DISC1: variants seen among roughly 807,000 people sequenced by gnomAD.
The protein encoded by DISC1 is disrupted in schizophrenia 1 protein.
Under a neutral mutation model 84.5 loss-of-function variants are expected in DISC1, and 57 were observed. The observed-to-expected ratio is 0.67, with a 90% CI of 0.55 to 0.84. DISC1 has a LOEUF of 0.84. DISC1 is among the 40% of genes least tolerant of loss of function. The probability of loss-of-function intolerance (pLI) is 0.00; values close to 1 mark genes in which losing one functional copy is unlikely to be tolerated. For synonymous variants in DISC1, 411 were observed against 415.2 expected (o/e 0.99, Z 0.12); for missense variants, 1,000 against 1,057.8 (o/e 0.95, Z 0.76).
chr1:231,940,085 C>T lies in DISC1; in HGVS notation c.1982-18743C>T, dbSNP rs184317393. On this transcript the variant is annotated intron_variant, in intron 9 of 12. Transcript: ENST00000439617. ...ATATTTTAACTCAGCTGTTTCCCTC[C>T]TCCATGACAGGACACCTCCCTCACC... 1.9e-4 allele frequency among the ~76,000 whole-genome samples: 29 copies of T among 152,040 alleles called. No homozygotes were observed. The East Asian group carries it at 5.6e-3, about 29-fold the overall frequency.
intron 11 of DISC1, among the ~76,000 whole-genome samples, chr1:232,011,402 G>A (rs1668007229): frequency 6.6e-6 from 1 of 152,134 alleles, no homozygotes; most frequent in Admixed American, 6.5e-5. Flanking sequence ...GGGTGAGTGG[G>A]TGCTTTAGAG....
At chr1:231,997,742 C>G (rs987866671) in intron 10 of DISC1, among the ~76,000 whole-genome samples, 26 of 152,180 alleles carry the variant, frequency 1.7e-4, no homozygotes, top group Admixed American at 7.2e-4. Context: ...ACAGATGATT[C>G]CCCCAGAGGC....
chr1:231,679,344 A>G (rs543317359), intron 1 of DISC1, among the ~76,000 whole-genome samples: 2 of 152,362 alleles, frequency 1.3e-5, no homozygotes, highest in South Asian at 4.1e-4. Context: ...GGGAGCAGCC[A>G]GCACCTCTGC....
intron 8 of DISC1, among the ~76,000 whole-genome samples, chr1:231,802,941 C>T (rs936957815): frequency 6.6e-6 from 1 of 152,040 alleles, no homozygotes; most frequent in Admixed American, 6.6e-5. Context: ...ACCAATGCCT[C>T]GATTTTAGGA....
chr1:231,647,855 CTGTT>C lies in DISC1; in HGVS notation c.67+20925_67+20928del, dbSNP rs1483156132. On this transcript the variant is annotated intron_variant, in intron 1 of 12. Transcript: ENST00000439617. The stretch of plus-strand genomic sequence containing the variant: ...GGGAGTTTGCTCATGATTTGGGTCT[CTGTT>C]TGTCTGTTATTGGTGTATAGGAATG... Among the ~76,000 whole-genome samples the C allele has an allele frequency of 3.3e-5, 5 of 152,100 alleles. No individual in the cohort carries two copies. The South Asian group carries it at 8.3e-4, about 25-fold the overall frequency.
intron 9 of DISC1, among the ~76,000 whole-genome samples, chr1:231,879,427 G>A (rs1418219605): frequency 6.6e-6 from 1 of 151,964 alleles, no homozygotes; most frequent in South Asian, 2.1e-4. Context: ...CACCAGCAAT[G>A]CATGAGAGCT....
chr1:231,758,709 T>C (rs2075368626), intron 4 of DISC1, among the ~76,000 whole-genome samples: 2 of 152,232 alleles, frequency 1.3e-5, no homozygotes, highest in Admixed American at 1.3e-4. Flanking sequence ...TCCTACTGTG[T>C]CTTCCATCCA....
chr1:231,692,325 C>T (rs2065140967), intron 1 of DISC1, among the ~76,000 whole-genome samples: 1 of 152,260 alleles, frequency 6.6e-6, no homozygotes, highest in African/African-American at 2.4e-5. Context: ...GCAGCAATAG[C>T]CCTTTTGGAG....
At chr1:231,709,954 T>C (rs1341518733) in intron 3 of DISC1, among the ~76,000 whole-genome samples, 2 of 152,190 alleles carry the variant, frequency 1.3e-5, no homozygotes, top group Non-Finnish European at 2.9e-5. Flanking sequence ...TCTTCTGCCC[T>C]CTTAGAGTGG....
At chr1:231,957,836 C>T (rs1659782645) in intron 9 of DISC1, among the ~76,000 whole-genome samples, 1 of 152,166 alleles carries the variant, frequency 6.6e-6, no homozygotes, top group East Asian at 1.9e-4. Context: ...CTTACACATA[C>T]ACGTTGACTG....
At chr1:232,002,651 C>T (rs1666861988) in intron 10 of DISC1, among the ~76,000 whole-genome samples, 1 of 150,506 alleles carries the variant, frequency 6.6e-6, no homozygotes, top group Non-Finnish European at 1.5e-5. Flanking sequence ...AAGCCAATCC[C>T]TTAAGGTATC....
At chr1:231,765,889 G>A (rs918947580) in intron 4 of DISC1, among the ~76,000 whole-genome samples, 1 of 152,046 alleles carries the variant, frequency 6.6e-6, no homozygotes, top group Non-Finnish European at 1.5e-5. Context: ...TCTCCATCAA[G>A]GTCAGCTCTG....
intron 11 of DISC1, among the ~76,000 whole-genome samples, chr1:232,021,333 TACAC>T (rs36231584): frequency 0.13 from 18,519 of 148,072 alleles, 1,221 homozygotes; most frequent in South Asian, 0.16. Flanking sequence ...ACTTGTTCTA[TACAC>T]ACACACACAC....
chr1:231,875,454 G>A (rs2085811231), intron 9 of DISC1, among the ~76,000 whole-genome samples: 1 of 152,172 alleles, frequency 6.6e-6, no homozygotes, highest in African/African-American at 2.4e-5. Flanking sequence ...ATGGCCAGCT[G>A]CCTACCAAGG....
chr1:231,675,491 CAGAT>C lies in DISC1; in HGVS notation c.68-18331_68-18328del, dbSNP rs2063052430. Among the ~76,000 whole-genome samples the C allele has an allele frequency of 6.6e-6, 1 of 152,158 alleles. No individual in the cohort carries two copies. Among genetic ancestry groups the C allele is most frequent in the Non-Finnish European group, 1.5e-5 (1 of 68,016 alleles). On this transcript the variant is annotated intron_variant, in intron 1 of 12. Coordinates refer to ENST00000439617, the MANE Select transcript of DISC1 (RefSeq NM_018662.3). The surrounding 1 kb of genome is among the most constrained non-coding windows in gnomAD (Gnocchi z 4.1). ...CTAAGAAATTAGTTCACCTTATCATCAGATAGAGATGCTATTTGTACATTTCTCC... is the reference window on the plus strand; with the variant it reads ...CTAAGAAATTAGTTCACCTTATCATCAGAGATGCTATTTGTACATTTCTCC...
intron 10 of DISC1, among the ~76,000 whole-genome samples, chr1:231,981,037 C>T (rs1663523878): frequency 6.6e-6 from 1 of 152,204 alleles, no homozygotes; most frequent in South Asian, 2.1e-4. Context: ...GCCTCAACCT[C>T]CTGGGCTCGA....
chr1:231,837,588 ATT>A (rs34515060), intron 9 of DISC1, among the ~76,000 whole-genome samples: 1 of 151,906 alleles, frequency 6.6e-6, no homozygotes, highest in East Asian at 1.9e-4. Flanking sequence ...TGATCTATAT[ATT>A]TTTTTTCTGC....
intron 9 of DISC1, among the ~76,000 whole-genome samples, chr1:231,926,152 G>T (rs2090348210): frequency 6.6e-6 from 1 of 152,110 alleles, no homozygotes; most frequent in African/African-American, 2.4e-5. Context: ...CAAGATTGTT[G>T]CTCTCAGTTA....
At chr1:231,863,865 C>T (rs2084857953) in intron 9 of DISC1, among the ~76,000 whole-genome samples, 1 of 134,634 alleles carries the variant, frequency 7.4e-6, no homozygotes, top group Non-Finnish European at 1.7e-5. Context: ...GATCAGAAGT[C>T]CATGAGCGGA....
Sources: allele counts gnomAD v4.1 joint callset (sites outside exome capture counted in the v4.1 genomes callset), GRCh38; gene constraint gnomAD v4.1.1; non-coding constraint Gnocchi (gnomAD v3.1); transcripts MANE v1.5; gene names NCBI Gene and HGNC (gene_info 2026-07-23, HGNC 2026-07-21).